Variants in RALYL observed in about 807,000 individuals in gnomAD.
RALYL encodes the protein RNA-binding Raly-like protein.
A neutral mutation model predicts 35.1 loss-of-function variants in RALYL; 29 were observed. The observed-to-expected ratio is 0.83, with a 90% CI of 0.61 to 1.13. RALYL has a LOEUF of 1.13. Among genes scored for constraint, RALYL ranks in the 50% most tolerant of loss-of-function variants. The pLI is 0.00. For missense variants in RALYL, 359 were observed against 360.4 expected, an observed-to-expected ratio of 1.00 and a Z score of 0.03; for synonymous variants, 120 against 127.6, an observed-to-expected ratio of 0.94 and a Z score of 0.40.
intron 2 of RALYL, among the ~76,000 whole-genome samples, chr8:84,701,866 C>G (rs1840263584): frequency 6.6e-6 from 1 of 152,166 alleles, no homozygotes; most frequent in African/African-American, 2.4e-5. Flanking sequence ...GGTGTCATCT[C>G]CTGTTTCCTG....
At chr8:84,744,454 G>A (rs1012159060) in intron 2 of RALYL, among the ~76,000 whole-genome samples, 4 of 151,990 alleles carry the variant, frequency 2.6e-5, no homozygotes, top group African/African-American at 9.7e-5. Context: ...TTGAAGCAAA[G>A]CAGGAAGCCA....
chr8:84,714,726 T>C (rs981326374), intron 2 of RALYL, among the ~76,000 whole-genome samples: 1 of 151,906 alleles, frequency 6.6e-6, no homozygotes, highest in African/African-American at 2.4e-5. Context: ...GGTTGAGCAA[T>C]ATGAAATCAC....
chr8:84,501,172 C>T (rs2056615885), intron 1 of RALYL, among the ~76,000 whole-genome samples: 1 of 152,064 alleles, frequency 6.6e-6, no homozygotes, highest in Admixed American at 6.6e-5. Context: ...CTGCAGTTCA[C>T]CAGGAGGTAG....
intron 6 of RALYL, among the ~76,000 whole-genome samples, chr8:84,864,395 A>G (rs1246667021): frequency 1.3e-5 from 2 of 152,226 alleles, no homozygotes; most frequent in African/African-American, 4.8e-5. Flanking sequence ...AGCAATAGGT[A>G]GAAATATAAA....
chr8:84,221,522 T>C (rs1385260069), intron 1 of RALYL, among the ~76,000 whole-genome samples: 2 of 152,048 alleles, frequency 1.3e-5, no homozygotes, highest in Non-Finnish European at 2.9e-5. Flanking sequence ...TTAGACCTTA[T>C]GCAAATTACT....
intron 1 of RALYL, among the ~76,000 whole-genome samples, chr8:84,450,110 A>G (rs2049297356): frequency 6.6e-6 from 1 of 151,896 alleles, no homozygotes; most frequent in Non-Finnish European, 1.5e-5. Context: ...TATAATTAAA[A>G]TTTATAGATA....
At chr8:84,753,759 G>T (rs533243153) in intron 2 of RALYL, among the ~76,000 whole-genome samples, 166 of 152,240 alleles carry the variant, frequency 1.1e-3, no homozygotes, top group Admixed American at 1.0e-3. Flanking sequence ...CCAGAAGCAT[G>T]CTAGCATCAT....
At chr8:84,211,134 A>C (rs1819402252) in intron 1 of RALYL, among the ~76,000 whole-genome samples, 1 of 152,100 alleles carries the variant, frequency 6.6e-6, no homozygotes, top group African/African-American at 2.4e-5. Flanking sequence ...ATGGAACTGA[A>C]AAATTAGGTC....
At chr8:84,434,287 CT>C (rs2132762764) in intron 1 of RALYL, among the ~76,000 whole-genome samples, 1 of 152,192 alleles carries the variant, frequency 6.6e-6, no homozygotes, top group African/African-American at 2.4e-5. Context: ...TATAATCCAT[CT>C]CCAAACAGAG....
At chr8:84,840,147 G>T (rs1487068752) in intron 4 of RALYL, among the ~76,000 whole-genome samples, 3 of 152,124 alleles carry the variant, frequency 2.0e-5, no homozygotes, top group African/African-American at 4.8e-5. Context: ...AGAGAATAAG[G>T]CTTCAGACGA....
intron 3 of RALYL, among the ~76,000 whole-genome samples, chr8:84,782,115 G>A (rs867368948): frequency 6.6e-6 from 1 of 151,780 alleles, no homozygotes. Flanking sequence ...AGAATCACAC[G>A]ATATTCCTTT....
chr8:84,282,065 T>A (rs752086039), intron 1 of RALYL, among the ~76,000 whole-genome samples: 3 of 152,104 alleles, frequency 2.0e-5, no homozygotes, highest in Non-Finnish European at 4.4e-5. Context: ...TCTGTGGAAA[T>A]CTCTTGCCCC....
At chr8:84,403,098 C>A (rs2043087159) in intron 1 of RALYL, among the ~76,000 whole-genome samples, 2 of 151,976 alleles carry the variant, frequency 1.3e-5, no homozygotes, top group African/African-American at 4.8e-5. Flanking sequence ...AAATTTTCTC[C>A]CATTCTGTGG....
chr8:84,639,141 G>GGA (rs1391658222), intron 2 of RALYL, among the ~76,000 whole-genome samples: 1 of 150,970 alleles, frequency 6.6e-6, no homozygotes, highest in Non-Finnish European at 1.5e-5. Flanking sequence ...TCTTTTCTCG[G>GGA]GAGAAACTTA....
At chr8:84,542,065 A>G (rs890089555) in intron 2 of RALYL, among the ~76,000 whole-genome samples, 1 of 152,054 alleles carries the variant, frequency 6.6e-6, no homozygotes, top group African/African-American at 2.4e-5. Flanking sequence ...TTGTGTCTAC[A>G]AGTTTGCTGT....
chr8:84,702,504 T>C (rs959780926), intron 2 of RALYL, among the ~76,000 whole-genome samples: 3 of 151,180 alleles, frequency 2.0e-5, no homozygotes, highest in Non-Finnish European at 4.4e-5. Context: ...ATATTTAGCA[T>C]AGGGCTAGTT....
At chr8:84,684,168 A>T (rs1036839036) in intron 2 of RALYL, among the ~76,000 whole-genome samples, 2 of 152,232 alleles carry the variant, frequency 1.3e-5, no homozygotes, top group Non-Finnish European at 2.9e-5. Flanking sequence ...TTTTCATTGG[A>T]ATCCTAACTT....
intron 1 of RALYL, among the ~76,000 whole-genome samples, chr8:84,271,703 CAA>C (rs1563645682): frequency 3.3e-5 from 5 of 151,756 alleles, no homozygotes; most frequent in African/African-American, 1.2e-4. Context: ...TGAATGATCT[CAA>C]AAGTATTATG....
chr8:84,864,511 GTATCTTTATTA>G (rs765611060), intron 6 of RALYL, among the ~76,000 whole-genome samples: 7 of 152,112 alleles, frequency 4.6e-5, no homozygotes, highest in Non-Finnish European at 1.0e-4. Flanking sequence ...GTGAAGTGGT[GTATCTTTATTA>G]TATTGAGGTT....
Sources: allele counts gnomAD v4.1 joint callset (sites outside exome capture counted in the v4.1 genomes callset), GRCh38; gene constraint gnomAD v4.1.1; transcripts MANE v1.5; gene names NCBI Gene and HGNC (gene_info 2026-07-23, HGNC 2026-07-21).